The following BIRC6 variants were observed in gnomAD, a reference collection of about 807,000 sequenced individuals.
The protein encoded by BIRC6 is baculoviral IAP repeat containing 6, also known as dual E2 ubiquitin-conjugating enzyme/E3 ubiquitin-protein ligase BIRC6.
BIRC6 carries 98 observed loss-of-function variants against 503.3 expected under a neutral mutation model. That is an observed-to-expected ratio of 0.19 (90% CI 0.17 to 0.23). The LOEUF (loss-of-function observed/expected upper bound fraction) is 0.23, where lower values mean the gene tolerates loss of function less well. BIRC6 is among the 10% of genes least tolerant of loss of function. BIRC6 has a pLI of 1.00. For missense variants in BIRC6, 5,360 were observed against 5,806.0 expected (o/e 0.92, Z 2.50); for synonymous variants, 2,240 against 2,078.7 (o/e 1.08, Z -2.11).
Position 32,415,946 on chromosome 2 carries a change from A to G in BIRC6, c.2655A>G (p.Ser885=). 1 of 1,613,928 alleles carries G rather than the reference A, an allele frequency of 6.2e-7. No individual in the cohort carries two copies. The highest frequency in any genetic ancestry group is 8.5e-7 in the Non-Finnish European group (1 of 1,179,830). ...CTATTGAGGACATGCAGTTAACCTC[A>G]AAGAATGGTTTTGAGAGAGAAAAAA... is the stretch of plus-strand genomic sequence containing the variant. The part of the protein sequence containing the change: ...EEPIEDMQLT[S]KNGFEREKTS... Residue 885 remains serine, a synonymous_variant, in exon 10 of 74, where the codon TCA becomes TCG. Transcript: ENST00000421745.
At chr2:32,560,623 C>T (rs934623132) in intron 65 of BIRC6, among the ~76,000 whole-genome samples, 2 of 152,116 alleles carry the variant, frequency 1.3e-5, no homozygotes, top group African/African-American at 2.4e-5. Flanking sequence ...CTCTGCCACC[C>T]GGGCTGGAGT....
chr2:32,466,835 G>C (rs148974659), intron 26 of BIRC6, among the ~76,000 whole-genome samples: 1 of 151,954 alleles, frequency 6.6e-6, no homozygotes, highest in Non-Finnish European at 1.5e-5. Flanking sequence ...TAAAGAGACG[G>C]GTGGCTAGGT....
In BIRC6 at chr2:32,357,659, T is replaced by C. The variant is rs2033309088; in HGVS notation, c.325+173T>C. On this transcript the variant is annotated intron_variant, in intron 1 of 73. Coordinates refer to ENST00000421745, the MANE Select transcript of BIRC6 (RefSeq NM_016252.4). This position sits in a 1 kb window ranked among gnomAD's most constrained non-coding sequence, Gnocchi z 4.9. The stretch of plus-strand genomic sequence containing the variant: ...ATGGAGGGGGACCTTAGGACTTGGC[T>C]TTTTCAGCGGCTGCAGTTGGGAGGA... Among the ~76,000 whole-genome samples the C allele has an allele frequency of 6.6e-6, 1 of 151,998 alleles. No homozygotes were observed. The highest frequency in any genetic ancestry group is 2.4e-5 in the African/African-American group (1 of 41,386).
chr2:32,569,570 C>G (rs1049582028), intron 65 of BIRC6, among the ~76,000 whole-genome samples: 1 of 151,750 alleles, frequency 6.6e-6, no homozygotes, highest in Non-Finnish European at 1.5e-5. Flanking sequence ...TAAGGTCTTA[C>G]TATGTTGTTC....
chr2:32,606,309 C>T lies in BIRC6; in HGVS notation c.14071-1146C>T, dbSNP rs566664218. The stretch of plus-strand genomic sequence containing the variant: ...CATCTTGTCAATCAGAATTTCTGGC[C>T]GGGTATGATGGCTCAGACCTGTAAT... On this transcript the variant is annotated intron_variant, in intron 71 of 73. Coordinates refer to ENST00000421745, the MANE Select transcript of BIRC6 (RefSeq NM_016252.4). Among the ~76,000 whole-genome samples, 72 of 152,190 alleles carry T rather than the reference C, an allele frequency of 4.7e-4. 1 individual carries two copies. The highest frequency in any genetic ancestry group is 1.7e-3 in the South Asian group (8 of 4,824).
At chr2:32,424,991 C>CT (rs968255245) in intron 10 of BIRC6, among the ~76,000 whole-genome samples, 1 of 152,006 alleles carries the variant, frequency 6.6e-6, no homozygotes, top group African/African-American at 2.4e-5. Flanking sequence ...TTGGTTTGCA[C>CT]TTTCCTAATG....
At chr2:32,370,257 T>A (rs557999339) in intron 1 of BIRC6, among the ~76,000 whole-genome samples, 6 of 151,676 alleles carry the variant, frequency 4.0e-5, no homozygotes, top group Non-Finnish European at 8.8e-5. Flanking sequence ...CATGATAAAT[T>A]TTTCGTGGTG....
intron 54 of BIRC6, 97 bp from the exon 55 acceptor site, chr2:32,514,890 TATA>T: frequency 1.1e-6 from 1 of 875,864 alleles, no homozygotes; most frequent in Non-Finnish European, 1.7e-6. Flanking sequence ...AAATAAAGTA[TATA>T]ATGTCAGAGT....
In BIRC6 at chr2:32,442,450, C is replaced by CATT. The variant is rs570316139; in HGVS notation, c.4235_4237dup (p.Ile1412dup). On this transcript the variant is annotated inframe_insertion, in exon 19 of 74. Transcript: ENST00000421745. ...AGTGTGCCCGATTTCTAGCCTTGTG[C>CATT]ATTAGGTTGGTATGTTTTTAAGTTG... 5 of 1,601,134 alleles carry CATT rather than the reference C, an allele frequency of 3.1e-6. No individual in the cohort carries two copies. The highest frequency in any genetic ancestry group is 4.3e-6 in the Non-Finnish European group (5 of 1,173,700).
chr2:32,575,094 T>C, intron 65 of BIRC6, 62 bp from the exon 66 acceptor site: 2 of 1,550,660 alleles, frequency 1.3e-6, no homozygotes, highest in Middle Eastern at 1.7e-4. Flanking sequence ...GCTACATTCC[T>C]GTGGACCTAC....
intron 41 of BIRC6, 128 bp downstream of exon 41, chr2:32,487,929 A>G: frequency 2.7e-6 from 2 of 739,916 alleles, no homozygotes; most frequent in Non-Finnish European, 4.3e-6. Context: ...TTGGAAAAAT[A>G]TTAGAAATAC....
chr2:32,485,736 C>A lies in BIRC6; in HGVS notation c.7790C>A (p.Ala2597Glu). 6.2e-7 allele frequency: 1 copy of A among 1,610,046 alleles called. No individual in the cohort carries two copies. Among genetic ancestry groups the A allele is most frequent in the African/African-American group, 1.3e-5 (1 of 74,958 alleles). ...STLEADSILQ[A>E]LTNTSPTLSQ... ...CTGGAGGCAGATTCCATTTTACAGG[C>A]ATTAACAAATACATCTCCTACATGT... Residue 2597 changes from alanine to glutamate, a missense_variant, in exon 40 of 74, where the codon GCA (alanine) becomes GAA (glutamate). Around this residue, in one of 16 missense-constraint regions of BIRC6, gnomAD observed 2,299 missense variants for 2,267.2 expected, o/e 1.01. Transcript: ENST00000421745.
intron 23 of BIRC6, among the ~76,000 whole-genome samples, chr2:32,457,368 A>G (rs940137607): frequency 6.6e-5 from 10 of 151,868 alleles, no homozygotes; most frequent in Non-Finnish European, 1.3e-4. Flanking sequence ...GTACTATTCT[A>G]TTTCTCATTG....
At chr2:32,592,852 C>T (rs987165868) in intron 66 of BIRC6, among the ~76,000 whole-genome samples, 3 of 152,192 alleles carry the variant, frequency 2.0e-5, no homozygotes, top group Non-Finnish European at 4.4e-5. Flanking sequence ...GCCTCAGCCT[C>T]CCAAAGTGCT....
At chr2:32,485,149 T>G (rs1218081129) in intron 39 of BIRC6, among the ~76,000 whole-genome samples, 6 of 151,990 alleles carry the variant, frequency 3.9e-5, no homozygotes, top group Non-Finnish European at 7.3e-5. Context: ...GTTGCTATTT[T>G]GGGACTGTTT....
In BIRC6 at chr2:32,539,516, T is replaced by C. The variant is rs184097494; in HGVS notation, c.12292-3725T>C. ...ACATCAGAATTAAATTGGAAACCAA[T>C]AGCGGTAAGATCTAGAAAACCTCAA... On this transcript the variant is annotated intron_variant, in intron 61 of 73. Coordinates refer to ENST00000421745, the MANE Select transcript of BIRC6 (RefSeq NM_016252.4). Among the ~76,000 whole-genome samples, 136 of 152,294 alleles carry C rather than the reference T, an allele frequency of 8.9e-4. 1 individual carries two copies. Among genetic ancestry groups the C allele is most frequent in the African/African-American group, 2.7e-3 (114 of 41,574 alleles).
At chr2:32,377,214 TG>T (rs2036931484) in intron 1 of BIRC6, among the ~76,000 whole-genome samples, 1 of 40,928 alleles carries the variant, frequency 2.4e-5, no homozygotes, top group African/African-American at 1.1e-4. Context: ...TTAATATATA[TG>T]TGTGTGTGTG....
chr2:32,398,901 A>G (rs1236872600), intron 6 of BIRC6, among the ~76,000 whole-genome samples: 1 of 152,102 alleles, frequency 6.6e-6, no homozygotes, highest in East Asian at 1.9e-4. Context: ...ACATATTAAA[A>G]ATTGCCCAGG....
intron 23 of BIRC6, among the ~76,000 whole-genome samples, chr2:32,454,317 A>G (rs1449601269): frequency 6.6e-6 from 1 of 152,170 alleles, no homozygotes; most frequent in Non-Finnish European, 1.5e-5. Context: ...AAGAGGGAAT[A>G]CTGTTTCTCG....
Sources: allele counts gnomAD v4.1 joint callset (sites outside exome capture counted in the v4.1 genomes callset), GRCh38; gene constraint gnomAD v4.1.1; regional missense constraint gnomAD v4.1.1; non-coding constraint Gnocchi (gnomAD v3.1); transcripts MANE v1.5; gene names NCBI Gene and HGNC (gene_info 2026-07-23, HGNC 2026-07-21).